DRICH1: variants seen among roughly 807,000 people sequenced by gnomAD.
The protein encoded by DRICH1 is aspartate-rich protein 1.
In DRICH1, 38 loss-of-function variants were observed where a neutral mutation model predicts 39.5. The ratio of observed to expected loss-of-function variants is 0.96; its 90% CI spans 0.74 to 1.26. The LOEUF (loss-of-function observed/expected upper bound fraction) is 1.26. DRICH1 is among the 50% of genes most tolerant of loss of function. The pLI, the probability that DRICH1 is intolerant of heterozygous loss-of-function variation, is 0.00. For missense variants in DRICH1, 279 were observed against 270.4 expected (o/e 1.03, Z -0.22); for synonymous variants, 84 against 99.5 (o/e 0.84, Z 0.93).
the DRICH1 span, among the ~76,000 whole-genome samples, chr22:23,589,430 G>A: frequency 5.9e-5 from 9 of 151,666 alleles, no homozygotes; most frequent in East Asian, 1.2e-3. Context: ...CAGCCTGGGC[G>A]ACAGAGCAAC....
the DRICH1 span, among the ~76,000 whole-genome samples, chr22:23,582,564 A>ATTATTAT: frequency 9.7e-5 from 14 of 143,820 alleles, no homozygotes; most frequent in Admixed American, 6.2e-4. Flanking sequence ...GCTTATTATT[A>ATTATTAT]TTATTATTAT....
At position 23,626,033 on chromosome 22, in the gene DRICH1, C is replaced by T. The variant is rs750800958; in HGVS notation, c.224G>A (p.Arg75His). ...QKMPTGPPED[R>H]LSLKFLPSSE... is the part of the protein sequence containing the mutation. ...TGATGGCAGAAATTTTAAACTCAGG[C>T]GGTCCTCAGGGGGACCTAAAAGGAC... is the stretch of plus-strand genomic sequence containing the variant. The change falls in exon 2 of 12, where the codon CGC becomes CAC. Residue 75 changes from arginine (R) to histidine (H), a missense_variant. Arg to His is a conservative substitution (Grantham distance 29, BLOSUM62 0). Coordinates refer to ENST00000317749, the MANE Select transcript of DRICH1 (RefSeq NM_016449.4). 1.4e-5 allele frequency: 22 copies of T among 1,612,618 alleles called. No homozygotes were observed. Among genetic ancestry groups the T allele is most frequent in the East Asian group, 2.2e-5 (1 of 44,856 alleles).
chr22:23,584,718 T>C, the DRICH1 span, among the ~76,000 whole-genome samples: 953 of 152,348 alleles, frequency 6.3e-3, 5 homozygotes, highest in South Asian at 0.029. Flanking sequence ...GGTCAAATAT[T>C]ATTCTGATGT....
chr22:23,595,047 G>T, the DRICH1 span, among the ~76,000 whole-genome samples: 6 of 149,240 alleles, frequency 4.0e-5, no homozygotes, highest in African/African-American at 1.5e-4. Flanking sequence ...GGAAAGCCAG[G>T]GTCTCCACCA....
At chr22:23,597,273 T>C in the DRICH1 span, among the ~76,000 whole-genome samples, 1 of 148,968 alleles carries the variant, frequency 6.7e-6, no homozygotes, top group African/African-American at 2.5e-5. Flanking sequence ...AGGTGAAGTG[T>C]GTGAACCCAG....
At chr22:23,617,743 A>C in intron 6 of DRICH1, 86 bp from the exon 7 acceptor site, 1 of 1,324,692 alleles carries the variant, frequency 7.5e-7, no homozygotes, top group East Asian at 2.3e-5. Context: ...TGGTATATGG[A>C]GGTGGTTGAT....
chr22:23,589,282 C>T, the DRICH1 span, among the ~76,000 whole-genome samples: 5 of 151,984 alleles, frequency 3.3e-5, no homozygotes, highest in Non-Finnish European at 7.4e-5. Context: ...GAAACTTTGT[C>T]TCTACAAAAA....
intron 11 of DRICH1, among the ~76,000 whole-genome samples, chr22:23,611,657 A>G (rs1222077057): frequency 6.6e-6 from 1 of 152,060 alleles, no homozygotes; most frequent in African/African-American, 2.4e-5. Context: ...CTGCTTATTA[A>G]CTACAGCCAT....
At chr22:23,626,275 A>G (rs533773893) in intron 1 of DRICH1, among the ~76,000 whole-genome samples, 3 of 152,310 alleles carry the variant, frequency 2.0e-5, no homozygotes, top group African/African-American at 7.2e-5. Flanking sequence ...GTCCCAGAAG[A>G]TATTAACCAA....
the DRICH1 span, among the ~76,000 whole-genome samples, chr22:23,601,660 G>A: frequency 6.6e-4 from 101 of 152,036 alleles, 1 homozygote; most frequent in African/African-American, 2.2e-3. Flanking sequence ...TCTCCTGGCT[G>A]TGATCCGTTA....
At chr22:23,591,160 G>A in the DRICH1 span, among the ~76,000 whole-genome samples, 3 of 152,124 alleles carry the variant, frequency 2.0e-5, no homozygotes. Context: ...GCTGGAACGG[G>A]GCTCCCCTAG....
At chr22:23,605,513 C>T (rs374781215), downstream of DRICH1, among the ~76,000 whole-genome samples, 6 of 152,144 alleles carry the variant, frequency 3.9e-5, no homozygotes, top group Admixed American at 6.5e-5. Context: ...GCGGCACATA[C>T]ATAGTGGGAG....
intron 6 of DRICH1, among the ~76,000 whole-genome samples, chr22:23,618,113 C>A (rs1382954385): frequency 1.6e-5 from 2 of 127,332 alleles, no homozygotes; most frequent in Non-Finnish European, 3.3e-5. Context: ...ATCACACATT[C>A]TTTTTTTTTT....
intron 6 of DRICH1, among the ~76,000 whole-genome samples, chr22:23,619,006 T>C (rs1927548308): frequency 6.6e-6 from 1 of 151,938 alleles, no homozygotes; most frequent in Non-Finnish European, 1.5e-5. Context: ...ACCACGTCTC[T>C]ACTAAATCTT....
chr22:23,620,557 T>TTTC (rs72559613), intron 5 of DRICH1, 37 bp downstream of exon 5: 597,512 of 1,590,788 alleles, frequency 0.38, 118,204 homozygotes, highest in Admixed American at 0.53. Context: ...GCCAGCAAGT[T>TTTC]TGTTTCTCAG....
At chr22:23,627,624 T>A (rs1248810576) in intron 1 of DRICH1, among the ~76,000 whole-genome samples, 1 of 152,120 alleles carries the variant, frequency 6.6e-6, no homozygotes, top group Non-Finnish European at 1.5e-5. Context: ...AACATCCAGG[T>A]CCAGAGGGAT....
At chr22:23,609,914 C>G (rs533892111) in intron 11 of DRICH1, among the ~76,000 whole-genome samples, 1 of 152,250 alleles carries the variant, frequency 6.6e-6, no homozygotes, top group Admixed American at 6.5e-5. Context: ...CTAGCTCTCC[C>G]AAGACCTGCT....
intron 3 of DRICH1, chr22:23,624,140 C>T (rs1381587191): frequency 6.1e-6 from 6 of 985,274 alleles, no homozygotes; most frequent in Non-Finnish European, 7.2e-6. Flanking sequence ...AATGAATGTG[C>T]TGCCATGAAA....
chr22:23,591,672 G>C, the DRICH1 span, among the ~76,000 whole-genome samples: 4 of 152,204 alleles, frequency 2.6e-5, no homozygotes, highest in Non-Finnish European at 5.9e-5. Flanking sequence ...GTCCTGTCAG[G>C]AGCTAGGTTG....
Sources: allele counts gnomAD v4.1 joint callset (sites outside exome capture counted in the v4.1 genomes callset), GRCh38; gene constraint gnomAD v4.1.1; transcripts MANE v1.5; gene names NCBI Gene and HGNC (gene_info 2026-07-23, HGNC 2026-07-21).